LINGO2: variants seen among roughly 807,000 people sequenced by gnomAD.
The protein encoded by LINGO2 is leucine rich repeat and Ig domain containing 2, also known as leucine-rich repeat and immunoglobulin-like domain-containing nogo receptor-interacting protein 2.
Under a neutral mutation model 30.6 loss-of-function variants are expected in LINGO2, and 14 were observed. The observed-to-expected ratio is 0.46, with a 90% CI of 0.30 to 0.72. The LOEUF is 0.72. Ranked by LOEUF, LINGO2 falls within the 30% of genes least tolerant of loss-of-function variation. The pLI is 0.07. For missense variants in LINGO2, 729 were observed against 751.7 expected (o/e 0.97, Z 0.35); for synonymous variants, 317 against 288.5 (o/e 1.10, Z -1.00).
At chr9:28,011,777 C>A (rs1371434850) in intron 5 of LINGO2, among the ~76,000 whole-genome samples, 1 of 152,228 alleles carries the variant, frequency 6.6e-6, no homozygotes, top group African/African-American at 2.4e-5. Context: ...TCAGGCTAAG[C>A]ATTTCTAATG....
intron 4 of LINGO2, among the ~76,000 whole-genome samples, chr9:28,033,140 G>A (rs979097717): frequency 2.3e-4 from 35 of 152,330 alleles, no homozygotes; most frequent in African/African-American, 7.7e-4. Context: ...TGTTAGTTGC[G>A]TATGTGAATT....
At chr9:29,055,688 G>C in the LINGO2 span, among the ~76,000 whole-genome samples, 1 of 152,068 alleles carries the variant, frequency 6.6e-6, no homozygotes, top group Admixed American at 6.6e-5. Context: ...ACTGTAACCA[G>C]TGGGTAGTCC....
At chr9:28,598,437 A>AC (rs1289479282) in intron 1 of LINGO2, among the ~76,000 whole-genome samples, 1 of 105,190 alleles carries the variant, frequency 9.5e-6, no homozygotes, top group African/African-American at 3.1e-5. Flanking sequence ...AAAAAAAACA[A>AC]AACAAACAAA....
intron 2 of LINGO2, among the ~76,000 whole-genome samples, chr9:28,436,554 T>C (rs1177630386): frequency 6.6e-6 from 1 of 151,910 alleles, no homozygotes; most frequent in Non-Finnish European, 1.5e-5. Flanking sequence ...GCCTCCCGGG[T>C]TCACGCCATT....
chr9:28,417,588 T>G (rs1823016102), intron 2 of LINGO2, among the ~76,000 whole-genome samples: 1 of 152,220 alleles, frequency 6.6e-6, no homozygotes, highest in Non-Finnish European at 1.5e-5. Flanking sequence ...AACATCAGGT[T>G]GCTATTTCAC....
At chr9:28,257,083 A>G (rs915919964) in intron 4 of LINGO2, among the ~76,000 whole-genome samples, 1 of 149,668 alleles carries the variant, frequency 6.7e-6, no homozygotes, top group African/African-American at 2.4e-5. Context: ...TGGACTTTTA[A>G]GTTACTTTTA....
At chr9:28,467,968 AC>A (rs1458760221) in intron 2 of LINGO2, among the ~76,000 whole-genome samples, 1 of 152,230 alleles carries the variant, frequency 6.6e-6, no homozygotes, top group Non-Finnish European at 1.5e-5. Flanking sequence ...ATATTGTATT[AC>A]ATTCACAATG....
intron 4 of LINGO2, among the ~76,000 whole-genome samples, chr9:28,189,188 C>A (rs532692981): frequency 6.9e-6 from 1 of 145,126 alleles, no homozygotes; most frequent in Admixed American, 7.1e-5. Context: ...ATAGCCAGAG[C>A]AGTGATCTTT....
At chr9:28,694,127 A>C in the LINGO2 span, among the ~76,000 whole-genome samples, 2 of 144,198 alleles carry the variant, frequency 1.4e-5, no homozygotes, top group Non-Finnish European at 3.1e-5. Flanking sequence ...CATGGTTTTC[A>C]AAAAAAAAAA....
At chr9:29,005,962 T>C in the LINGO2 span, among the ~76,000 whole-genome samples, 1 of 151,980 alleles carries the variant, frequency 6.6e-6, no homozygotes, top group Non-Finnish European at 1.5e-5. Flanking sequence ...TGGATAGGAA[T>C]AGCTGACTGT....
chr9:28,058,304 T>G lies in LINGO2; in HGVS notation c.-86-45899A>C, dbSNP rs147857548. On this transcript the variant is annotated intron_variant, in intron 4 of 5. Transcript: ENST00000379992. The stretch of plus-strand genomic sequence containing the variant: ...AGAAAACAGATATTCTATTTATTAA[T>G]AGGCCATTTTACAATTAAGGAAATC... 2.9e-3 allele frequency among the ~76,000 whole-genome samples: 446 copies of G among 152,262 alleles called. 2 individuals carry two copies. The highest frequency in any genetic ancestry group is 5.0e-3 in the Non-Finnish European group (339 of 68,020).
the LINGO2 span, among the ~76,000 whole-genome samples, chr9:29,109,583 T>C: frequency 6.6e-6 from 1 of 152,146 alleles, no homozygotes; most frequent in African/African-American, 2.4e-5. Context: ...CTCATGAAAT[T>C]CCACAAACAA....
chr9:28,662,999 G>C (rs1828639668), intron 1 of LINGO2, among the ~76,000 whole-genome samples: 1 of 152,046 alleles, frequency 6.6e-6, no homozygotes, highest in Non-Finnish European at 1.5e-5. Flanking sequence ...GGGTTCAAGG[G>C]AGTTTTACTT....
chr9:29,193,907 C>T, the LINGO2 span, among the ~76,000 whole-genome samples: 8 of 152,194 alleles, frequency 5.3e-5, no homozygotes, highest in Non-Finnish European at 1.2e-4. Flanking sequence ...AATTCTACTG[C>T]AGGCTTGTGG....
intron 3 of LINGO2, among the ~76,000 whole-genome samples, chr9:28,358,862 CA>C (rs1564148233): frequency 6.6e-6 from 1 of 151,896 alleles, no homozygotes; most frequent in Non-Finnish European, 1.5e-5. Flanking sequence ...TTTATTCATT[CA>C]AAAAAATAGG....
At chr9:29,209,996 T>G in the LINGO2 span, among the ~76,000 whole-genome samples, 1 of 152,142 alleles carries the variant, frequency 6.6e-6, no homozygotes, top group Non-Finnish European at 1.5e-5. Context: ...TTTCACAGAA[T>G]ATCTAGAGAC....
At chr9:28,249,519 A>G (rs533022108) in intron 4 of LINGO2, among the ~76,000 whole-genome samples, 4 of 152,280 alleles carry the variant, frequency 2.6e-5, no homozygotes, top group African/African-American at 4.8e-5. Context: ...GCACTTTACA[A>G]AGAAGTTTCC....
At chr9:28,413,300 A>G (rs1822842183) in intron 2 of LINGO2, among the ~76,000 whole-genome samples, 1 of 152,058 alleles carries the variant, frequency 6.6e-6, no homozygotes, top group Non-Finnish European at 1.5e-5. Flanking sequence ...GCTAGGGTTT[A>G]TCTATCATTT....
chr9:28,241,293 GAAAAAAGAA>G (rs1564068612), intron 4 of LINGO2, among the ~76,000 whole-genome samples: 2 of 49,044 alleles, frequency 4.1e-5, no homozygotes, highest in Non-Finnish European at 7.3e-5. Flanking sequence ...AAAAAAAAAA[GAAAAAAGAA>G]AAAAAAAATC....
Sources: allele counts gnomAD v4.1 joint callset (sites outside exome capture counted in the v4.1 genomes callset), GRCh38; gene constraint gnomAD v4.1.1; transcripts MANE v1.5; gene names NCBI Gene and HGNC (gene_info 2026-07-23, HGNC 2026-07-21).